RBFOX1: variants seen among roughly 807,000 people sequenced by gnomAD.
RBFOX1 encodes the protein RNA binding fox-1 homolog 1.
RBFOX1 carries 8 observed loss-of-function variants against 57.7 expected under a neutral mutation model. The observed-to-expected ratio is 0.14, with a 90% confidence interval of 0.08 to 0.25. RBFOX1 has a LOEUF of 0.25. Among genes scored for constraint, RBFOX1 ranks in the 10% least tolerant of loss-of-function variants. The pLI is 1.00. For missense variants in RBFOX1, 611 were observed against 548.5 expected (o/e 1.11, Z -1.14); for synonymous variants, 326 against 222.4 (o/e 1.47, Z -4.15).
intron 1 of RBFOX1, among the ~76,000 whole-genome samples, chr16:6,138,527 G>C (rs1364023966): frequency 6.6e-6 from 1 of 152,100 alleles, no homozygotes; most frequent in Admixed American, 6.6e-5. Flanking sequence ...AGGGGAGAGA[G>C]AACGACCAGG....
chr16:7,645,155 G>A (rs1321670954), intron 11 of RBFOX1, among the ~76,000 whole-genome samples: 2 of 151,816 alleles, frequency 1.3e-5, no homozygotes, highest in African/African-American at 2.4e-5. Flanking sequence ...CAATTCCTTC[G>A]ATGCATCCCA....
chr16:7,582,147 C>T (rs768514362), intron 6 of RBFOX1, among the ~76,000 whole-genome samples: 10 of 151,976 alleles, frequency 6.6e-5, no homozygotes, highest in Non-Finnish European at 1.3e-4. Flanking sequence ...TGTGCCTCAG[C>T]TTCCTGACTA....
chr16:7,311,198 G>A (rs974358614), intron 4 of RBFOX1, among the ~76,000 whole-genome samples: 2 of 152,178 alleles, frequency 1.3e-5, no homozygotes, highest in Non-Finnish European at 1.5e-5. Context: ...GGAAACTGCT[G>A]TGGTCCTTAG....
intron 1 of RBFOX1, among the ~76,000 whole-genome samples, chr16:5,301,847 A>G (rs1461496463): frequency 1.3e-5 from 2 of 151,772 alleles, no homozygotes; most frequent in Non-Finnish European, 1.5e-5. Context: ...TTTGTTGTAC[A>G]GGTATAGATA....
intron 3 of RBFOX1, among the ~76,000 whole-genome samples, chr16:5,786,432 C>G (rs1158522243): frequency 6.7e-6 from 1 of 148,948 alleles, no homozygotes; most frequent in Non-Finnish European, 1.5e-5. Flanking sequence ...TAGGAGGGAC[C>G]CTGTGTTTAT....
intron 3 of RBFOX1, among the ~76,000 whole-genome samples, chr16:6,791,140 C>G (rs1323069042): frequency 2.6e-5 from 4 of 152,022 alleles, no homozygotes; most frequent in African/African-American, 4.8e-5. Flanking sequence ...CTCCTGACCT[C>G]AAGAGATCCT....
intron 1 of RBFOX1, among the ~76,000 whole-genome samples, chr16:5,376,100 A>G (rs978203027): frequency 6.6e-6 from 1 of 151,704 alleles, no homozygotes; most frequent in Non-Finnish European, 1.5e-5. Context: ...CCTGGGAGGC[A>G]GAGGTTGCAG....
At chr16:6,745,975 A>G (rs893888737) in intron 3 of RBFOX1, among the ~76,000 whole-genome samples, 4 of 152,368 alleles carry the variant, frequency 2.6e-5, no homozygotes, top group South Asian at 2.1e-4. Context: ...TTATATTTTT[A>G]TATATTACAC....
intron 3 of RBFOX1, among the ~76,000 whole-genome samples, chr16:6,759,117 GA>G (rs1190394454): frequency 3.3e-5 from 5 of 150,656 alleles, no homozygotes; most frequent in African/African-American, 1.2e-4. Flanking sequence ...AAATGGAGTA[GA>G]AAAAGTGGAG....
chr16:6,498,259 A>AC lies in RBFOX1; in HGVS notation c.-63-156344_-63-156343insC, dbSNP rs898872140. Among the ~76,000 whole-genome samples the AC allele has an allele frequency of 6.1e-3, 892 of 147,166 alleles. 5 individuals are homozygous for AC. Among genetic ancestry groups the AC allele is most frequent in the Middle Eastern group, 0.048 (14 of 290 alleles). ...AGAGAGGAACTCCGTCTCAAAACAA[A>AC]AAAAAAAAAAAGGATGACAATTCCA... On this transcript the variant is annotated intron_variant, in intron 2 of 15. Transcript: ENST00000550418.
At chr16:7,544,449 G>A (rs2083849958) in intron 5 of RBFOX1, among the ~76,000 whole-genome samples, 1 of 152,178 alleles carries the variant, frequency 6.6e-6, no homozygotes, top group South Asian at 2.1e-4. Flanking sequence ...AGGTTATACT[G>A]GATTAGGGTG....
At position 5,981,514 on chromosome 16, in the gene RBFOX1, G is replaced by A. The variant is rs138161633; in HGVS notation, c.351+114179G>A. ...GATGGAGTCTCATTCTGTCACCCAG[G>A]CTGGACTGAAGTGGCACCATCTCAG... On this transcript the variant is annotated intron_variant, in intron 4 of 19. Transcript: ENST00000641259. Among the ~76,000 whole-genome samples, 160 of 152,190 alleles carry A rather than the reference G, an allele frequency of 1.1e-3. No homozygotes were observed. In the East Asian group the frequency reaches 0.024, roughly 23 times the overall value.
Position 7,413,516 on chromosome 16 carries a change from G to T in RBFOX1, c.28-104631G>T, listed in dbSNP as rs1216158911. On this transcript the variant is annotated intron_variant, in intron 4 of 15. Transcript: ENST00000550418. ...CCAGCCTGGGGACCACACTTTGCAA[G>T]CCACTGAGATGCCCTCTGTCTCCTT... Among the ~76,000 whole-genome samples the T allele has an allele frequency of 3.3e-5, 5 of 152,016 alleles. No homozygotes were observed. In the South Asian group the frequency reaches 1.0e-3, roughly 31 times the overall value.
At chr16:7,227,073 C>T (rs116654062) in intron 4 of RBFOX1, among the ~76,000 whole-genome samples, 1 of 152,120 alleles carries the variant, frequency 6.6e-6, no homozygotes, top group Non-Finnish European at 1.5e-5. Flanking sequence ...AGCATTCTTA[C>T]CTGGCCAGTT....
At chr16:5,830,922 C>T (rs2056244365) in intron 3 of RBFOX1, among the ~76,000 whole-genome samples, 1 of 152,180 alleles carries the variant, frequency 6.6e-6, no homozygotes, top group African/African-American at 2.4e-5. Flanking sequence ...ATGCCCTCTC[C>T]TTGGCCAAAT....
At chr16:6,985,832 T>TAA (rs565941451) in intron 3 of RBFOX1, among the ~76,000 whole-genome samples, 15 of 99,836 alleles carry the variant, frequency 1.5e-4, no homozygotes, top group East Asian at 3.1e-4. Context: ...TGAGTTCATG[T>TAA]AAAAAAAAAA....
chr16:6,547,486 TAACAG>T (rs2096912471), intron 2 of RBFOX1, among the ~76,000 whole-genome samples: 1 of 152,224 alleles, frequency 6.6e-6, no homozygotes, highest in Non-Finnish European at 1.5e-5. Context: ...TAATTGCTGA[TAACAG>T]AACAGACAAA....
chr16:7,642,528 T>C (rs2063009749), intron 11 of RBFOX1, among the ~76,000 whole-genome samples: 2 of 152,138 alleles, frequency 1.3e-5, no homozygotes, highest in African/African-American at 4.8e-5. Context: ...CAGCCCAGCA[T>C]AAGGAAGCTA....
In RBFOX1 at chr16:7,218,351, C is replaced by G. The variant is rs191963946; in HGVS notation, c.27+166253C>G. On this transcript the variant is annotated intron_variant, in intron 4 of 15. Coordinates refer to ENST00000550418, the MANE Select transcript of RBFOX1 (RefSeq NM_018723.4). Reference sequence around the variant, plus strand: ...TCAGTATATTGTTTTCTGGTTTTCACCTTCTTCAGTATGCTTCCTATGAGA... The same window carrying G: ...TCAGTATATTGTTTTCTGGTTTTCAGCTTCTTCAGTATGCTTCCTATGAGA... Among the ~76,000 whole-genome samples the G allele has an allele frequency of 9.2e-5, 14 of 152,238 alleles. 1 individual carries two copies. In the East Asian group the frequency reaches 2.7e-3, roughly 29 times the overall value.
Sources: allele counts gnomAD v4.1 joint callset (sites outside exome capture counted in the v4.1 genomes callset), GRCh38; gene constraint gnomAD v4.1.1; transcripts MANE v1.5; gene names NCBI Gene and HGNC (gene_info 2026-07-23, HGNC 2026-07-21).